The following CPNE8 variants were observed in gnomAD, a reference collection of about 807,000 sequenced individuals.
CPNE8 encodes copine-8.
Under a neutral mutation model 81.5 loss-of-function variants are expected in CPNE8, and 45 were observed. That is an observed-to-expected ratio of 0.55 (90% confidence interval 0.44 to 0.71). The LOEUF is 0.71. Among genes scored for constraint, CPNE8 ranks in the 30% least tolerant of loss-of-function variants. The pLI is 0.00. For synonymous variants in CPNE8, 252 were observed against 226.3 expected, an observed-to-expected ratio of 1.11 and a Z score of -1.02; for missense variants, 594 against 672.1, an observed-to-expected ratio of 0.88 and a Z score of 1.28.
At position 38,866,844 on chromosome 12, in the gene CPNE8, T is replaced by G. The variant is rs541185702; in HGVS notation, c.186+6160A>C. Among the ~76,000 whole-genome samples, 3 of 152,252 alleles carry G rather than the reference T, an allele frequency of 2.0e-5. No individual in the cohort carries two copies. In the South Asian group the frequency reaches 6.2e-4, roughly 32 times the overall value. On this transcript the variant is annotated intron_variant, in intron 3 of 19. Transcript: ENST00000331366. The stretch of plus-strand genomic sequence containing the variant: ...AAATTCGGGTGTCCCTAAATTTGGG[T>G]GTTCAATCAAATATTAATTGAACAT...
At chr12:38,866,880 A>G (rs1471162474) in intron 3 of CPNE8, among the ~76,000 whole-genome samples, 1 of 152,026 alleles carries the variant, frequency 6.6e-6, no homozygotes, top group South Asian at 2.1e-4. Context: ...TTTTTTTTAA[A>G]CAAAGTATCG....
At chr12:38,882,660 G>A (rs924844123) in intron 1 of CPNE8, among the ~76,000 whole-genome samples, 5 of 151,888 alleles carry the variant, frequency 3.3e-5, no homozygotes, top group African/African-American at 1.2e-4. Flanking sequence ...TACTGTAAAC[G>A]CTTGAGCAAA....
chr12:38,710,108 T>G (rs1390178639), intron 13 of CPNE8, among the ~76,000 whole-genome samples: 1 of 151,952 alleles, frequency 6.6e-6, no homozygotes, highest in Non-Finnish European at 1.5e-5. Flanking sequence ...TTTCTATATT[T>G]TTTTCACACA....
At chr12:38,820,723 T>C (rs117878354) in intron 6 of CPNE8, among the ~76,000 whole-genome samples, 15 of 152,316 alleles carry the variant, frequency 9.8e-5, no homozygotes, top group Non-Finnish European at 1.8e-4. Flanking sequence ...CCAATGAGGT[T>C]AGGCAAATAT....
At chr12:38,759,460 T>C (rs1748693403) in intron 10 of CPNE8, among the ~76,000 whole-genome samples, 1 of 152,198 alleles carries the variant, frequency 6.6e-6, no homozygotes, top group Non-Finnish European at 1.5e-5. Flanking sequence ...GAAAGTTTTC[T>C]GATAAGATTT....
intron 17 of CPNE8, among the ~76,000 whole-genome samples, chr12:38,676,892 A>G (rs1174334759): frequency 2.6e-5 from 4 of 152,182 alleles, no homozygotes; most frequent in African/African-American, 7.2e-5. Context: ...GCCTGTATTT[A>G]TCAAATGTCT....
intron 7 of CPNE8, among the ~76,000 whole-genome samples, chr12:38,770,418 T>C (rs995701555): frequency 3.9e-5 from 6 of 152,200 alleles, no homozygotes; most frequent in African/African-American, 1.4e-4. Flanking sequence ...TTCAATCTTA[T>C]TTCTCACCCA....
At chr12:38,842,041 A>C (rs1943476851) in intron 4 of CPNE8, among the ~76,000 whole-genome samples, 1 of 152,024 alleles carries the variant, frequency 6.6e-6, no homozygotes, top group Admixed American at 6.6e-5. Context: ...GCAAAAAAAA[A>C]AAAAAGCATG....
intron 7 of CPNE8, among the ~76,000 whole-genome samples, chr12:38,770,814 A>C (rs1336315935): frequency 1.3e-5 from 2 of 152,164 alleles, no homozygotes; most frequent in Non-Finnish European, 2.9e-5. Flanking sequence ...TTTAGGTCTT[A>C]GCTTAAATGT....
intron 1 of CPNE8, among the ~76,000 whole-genome samples, chr12:38,881,007 G>A (rs1338041418): frequency 2.0e-5 from 3 of 152,042 alleles, no homozygotes; most frequent in Non-Finnish European, 4.4e-5. Context: ...TCAGGAGATT[G>A]AGACCATCCT....
At chr12:38,783,579 C>T (rs940119146) in intron 6 of CPNE8, among the ~76,000 whole-genome samples, 1 of 152,154 alleles carries the variant, frequency 6.6e-6, no homozygotes, top group African/African-American at 2.4e-5. Flanking sequence ...AGCATTTAAA[C>T]TAGTCTTACT....
chr12:38,777,226 A>G (rs1374824686), intron 6 of CPNE8, among the ~76,000 whole-genome samples: 1 of 152,080 alleles, frequency 6.6e-6, no homozygotes, highest in Non-Finnish European at 1.5e-5. Context: ...AGGTAAATGT[A>G]TAACTTTGTG....
chr12:38,727,262 T>C (rs529183115), intron 11 of CPNE8, among the ~76,000 whole-genome samples: 1 of 152,328 alleles, frequency 6.6e-6, no homozygotes, highest in Admixed American at 6.5e-5. Context: ...GCTCTGTATG[T>C]AGCAGCATTG....
intron 6 of CPNE8, among the ~76,000 whole-genome samples, chr12:38,784,292 CA>C (rs1257576956): frequency 1.3e-5 from 2 of 152,004 alleles, no homozygotes; most frequent in Admixed American, 6.5e-5. Context: ...AGCTTGAAGA[CA>C]AGCTATTTGA....
At position 38,905,390 on chromosome 12, in the gene CPNE8, C is replaced by T. The variant is rs199565115; in HGVS notation, c.98+47G>A. 42 of 1,539,986 alleles carry T rather than the reference C, an allele frequency of 2.7e-5. No homozygotes were observed. The East Asian group carries it at 9.3e-4, about 34-fold the overall frequency. ...CCGAGCGCTCTCCAAGTGCTACCAA[C>T]CCCACAGATGAGAGGGCAGGAGAGA... On this transcript the variant is annotated intron_variant, in intron 1 of 19. Transcript: ENST00000331366.
chr12:38,673,740 T>A (rs1341760094), intron 18 of CPNE8, among the ~76,000 whole-genome samples: 1 of 152,010 alleles, frequency 6.6e-6, no homozygotes, highest in Non-Finnish European at 1.5e-5. Context: ...TCATCTACAA[T>A]CTTCATTTAC....
chr12:38,829,535 A>ATTGTTT lies in CPNE8; in HGVS notation c.331-86_331-81dup, dbSNP rs1338786991. The ATTGTTT allele has an allele frequency of 3.4e-6, 3 of 892,906 alleles. No individual in the cohort carries two copies. In the African/African-American group the frequency reaches 5.0e-5, roughly 15 times the overall value. 55.3% of individuals were successfully genotyped at this position (892,906 alleles called of 1,614,324 possible). On this transcript the variant is annotated intron_variant, in intron 5 of 19. Transcript: ENST00000331366. ...TATGTTTTGTACATCATACATCTGC[A>ATTGTTT]TTGTTTTCATTGCTGAAATATTGAC... is the stretch of plus-strand genomic sequence containing the variant.
chr12:38,705,748 A>G (rs886352288), intron 13 of CPNE8, among the ~76,000 whole-genome samples: 3 of 152,116 alleles, frequency 2.0e-5, no homozygotes, highest in Non-Finnish European at 4.4e-5. Flanking sequence ...TGGATTTTGA[A>G]TCTGAATGAA....
intron 5 of CPNE8, among the ~76,000 whole-genome samples, chr12:38,834,363 C>T (rs1201941895): frequency 1.3e-5 from 2 of 152,106 alleles, no homozygotes; most frequent in Non-Finnish European, 2.9e-5. Flanking sequence ...TCTCAATCCT[C>T]ACCCCCCTGC....
Sources: allele counts gnomAD v4.1 joint callset (sites outside exome capture counted in the v4.1 genomes callset), GRCh38; gene constraint gnomAD v4.1.1; transcripts MANE v1.5; gene names NCBI Gene and HGNC (gene_info 2026-07-23, HGNC 2026-07-21).